Variants in AK8 observed in about 807,000 individuals in gnomAD.
AK8 encodes adenylate kinase 8, also known as ATP-AMP transphosphorylase 8.
AK8 carries 44 observed loss-of-function variants against 54.6 expected under a neutral mutation model. The ratio of observed to expected loss-of-function variants is 0.81; its 90% CI spans 0.63 to 1.04. The LOEUF (loss-of-function observed/expected upper bound fraction) is 1.04. Among genes scored for constraint, AK8 ranks in the 50% least tolerant of loss-of-function variants. The probability of loss-of-function intolerance (pLI) is 0.00; values close to 1 mark genes in which losing one functional copy is unlikely to be tolerated. For missense variants in AK8, 555 were observed against 613.6 expected (o/e 0.90, Z 1.01); for synonymous variants, 239 against 245.6 (o/e 0.97, Z 0.25).
chr9:132,874,213 GA>G (rs1843987532), intron 2 of AK8: 3 of 152,218 alleles, frequency 2.0e-5, no homozygotes, highest in Non-Finnish European at 4.4e-5. Flanking sequence ...ATGGCATCGG[GA>G]CCCAAGATTC....
intron 5 of AK8, among the ~76,000 whole-genome samples, chr9:132,846,943 G>A (rs1221006468): frequency 6.6e-6 from 1 of 152,254 alleles, no homozygotes; most frequent in Non-Finnish European, 1.5e-5. Flanking sequence ...AGTGCCTGAT[G>A]CCAGGCTCAG....
chr9:132,755,956 G>A (rs748229085), intron 11 of AK8, among the ~76,000 whole-genome samples: 4 of 151,904 alleles, frequency 2.6e-5, no homozygotes, highest in African/African-American at 7.3e-5. Context: ...TAGTAGAGAC[G>A]GGGTTTCACC....
chr9:132,800,179 C>T (rs936214210), intron 10 of AK8, among the ~76,000 whole-genome samples: 1 of 152,168 alleles, frequency 6.6e-6, no homozygotes, highest in Non-Finnish European at 1.5e-5. Context: ...CTCGGGATGG[C>T]ACTGATTCCC....
chr9:132,814,816 G>A (rs1297580143), intron 9 of AK8, 89 bp from the exon 10 acceptor site: 5 of 1,115,592 alleles, frequency 4.5e-6, no homozygotes, highest in Admixed American at 2.7e-5. Context: ...TGCCTGCTGA[G>A]GGAAAAAAAA....
Position 132,725,799 on chromosome 9 carries a change from C to T in AK8, c.1329G>A (p.Leu443=). 2 of 1,605,514 alleles carry T rather than the reference C, an allele frequency of 1.2e-6. No homozygotes were observed. The highest frequency in any genetic ancestry group is 2.2e-5 in the South Asian group (2 of 88,948). ...TGATGGCCGACCCATACAACTGCTC[C>T]AAGTCAGCTGAGTTCCTGTAGAACA... ...MDLFYRNSAD[L]EQLYGSAITL... is the part of the protein sequence containing the mutation. The change falls in exon 13 of 13, where the codon TTG becomes TTA. Residue 443 remains leucine (L), a synonymous_variant. Coordinates refer to ENST00000298545, the MANE Select transcript of AK8 (RefSeq NM_152572.3).
chr9:132,829,776 G>A (rs1842032872), intron 5 of AK8, among the ~76,000 whole-genome samples: 1 of 151,888 alleles, frequency 6.6e-6, no homozygotes, highest in African/African-American at 2.4e-5. Context: ...GGCTGGTCTT[G>A]AACTCCTGGG....
chr9:132,854,863 G>A lies in AK8; in HGVS notation c.396C>T (p.Ile132=), dbSNP rs1193678459. 1 of 1,614,016 alleles carries A rather than the reference G, an allele frequency of 6.2e-7. No individual in the cohort carries two copies. The highest frequency in any genetic ancestry group is 1.7e-5 in the Admixed American group (1 of 60,004). ...TAGCTCACTGGAGTCTTACCTGCTTGATGCAATCCTCTTCAGCCAGGCGTT... is the reference window on the plus strand; with the variant it reads ...TAGCTCACTGGAGTCTTACCTGCTTAATGCAATCCTCTTCAGCCAGGCGTT... ...IQERLAEEDC[I]KQGWILDGIP... Residue 132 remains isoleucine, a synonymous_variant, in exon 5 of 13, where the codon ATC becomes ATT. Transcript: ENST00000298545.
intron 10 of AK8, among the ~76,000 whole-genome samples, chr9:132,811,586 C>G (rs1479156729): frequency 6.6e-6 from 1 of 152,256 alleles, no homozygotes; most frequent in Non-Finnish European, 1.5e-5. Context: ...CAAGATAAAT[C>G]TGTGTTGTTC....
upstream of AK8, chr9:132,878,474 T>C (rs1374908621): frequency 3.3e-6 from 4 of 1,216,250 alleles, no homozygotes; most frequent in Non-Finnish European, 4.1e-6. This position sits in a 1 kb window ranked among gnomAD's most constrained non-coding sequence, Gnocchi z 4.7. Flanking sequence ...GCTTTTCCCA[T>C]TTGCGCATCT....
At chr9:132,839,829 G>GGGA (rs1554801290) in intron 5 of AK8, among the ~76,000 whole-genome samples, 8 of 147,274 alleles carry the variant, frequency 5.4e-5, no homozygotes, top group African/African-American at 2.0e-4. Flanking sequence ...CCGGGGGGGG[G>GGGA]GGCGCAGGGA....
intron 1 of AK8, among the ~76,000 whole-genome samples, chr9:132,876,868 G>A (rs779100104): frequency 5.3e-5 from 8 of 151,816 alleles, no homozygotes; most frequent in South Asian, 2.1e-4. Context: ...AGACCAGTCC[G>A]GGCAACATAG....
chr9:132,811,836 T>C (rs888527072), intron 10 of AK8, among the ~76,000 whole-genome samples: 1 of 152,202 alleles, frequency 6.6e-6, no homozygotes, highest in African/African-American at 2.4e-5. Context: ...ATTGAAGGAC[T>C]GCAAATCTGG....
chr9:132,806,855 A>AGGTCTCATTACCAGAAAGGGTGC (rs1187089557), intron 10 of AK8, among the ~76,000 whole-genome samples: 1 of 152,186 alleles, frequency 6.6e-6, no homozygotes, highest in African/African-American at 2.4e-5. Flanking sequence ...TGCTAGGGTG[A>AGGTCTCATTACCAGAAAGGGTGC]GGTCTCATTA....
chr9:132,822,283 A>G (rs1009747620), intron 9 of AK8, among the ~76,000 whole-genome samples: 27 of 136,720 alleles, frequency 2.0e-4, no homozygotes, highest in Admixed American at 1.1e-3. Context: ...ATATACATAT[A>G]TGTGTATGTA....
intron 11 of AK8, among the ~76,000 whole-genome samples, chr9:132,782,421 G>A (rs548630527): frequency 2.9e-4 from 44 of 152,170 alleles, no homozygotes; most frequent in Non-Finnish European, 5.0e-4. Context: ...TGGGAGCAGT[G>A]GCTCACGCCT....
At chr9:132,848,115 C>CAAAAAAAAAAAAAAA (rs796764891) in intron 5 of AK8, among the ~76,000 whole-genome samples, 14 of 52,540 alleles carry the variant, frequency 2.7e-4, no homozygotes, top group Admixed American at 1.7e-3. Flanking sequence ...CACCCTGTTT[C>CAAAAAAAAAAAAAAA]AAAAAAAAAA....
chr9:132,859,897 A>G (rs966533935), intron 4 of AK8, among the ~76,000 whole-genome samples: 2 of 152,040 alleles, frequency 1.3e-5, no homozygotes, highest in African/African-American at 4.8e-5. Context: ...TAGGGCCACT[A>G]CTGTGGGAAG....
rs1283682770 is a variant in AK8, at chr9:132,726,159, G to A, written c.1203-234C>T. ...GGAGAGGGAGAGAGATCAGTGATAG[G>A]AGGACAGAATACAATCATATATGGG... is the stretch of plus-strand genomic sequence containing the variant. On this transcript the variant is annotated intron_variant, in intron 12 of 12. Coordinates refer to ENST00000298545, the MANE Select transcript of AK8 (RefSeq NM_152572.3). Among the ~76,000 whole-genome samples, 3 of 152,182 alleles carry A rather than the reference G, an allele frequency of 2.0e-5. No homozygotes were observed. In the East Asian group the frequency reaches 5.8e-4, roughly 29 times the overall value.
At chr9:132,739,498 C>T (rs1274005836) in intron 11 of AK8, among the ~76,000 whole-genome samples, 6 of 107,474 alleles carry the variant, frequency 5.6e-5, no homozygotes, top group Admixed American at 4.6e-4. Flanking sequence ...TCCTGCTTAT[C>T]TTTCTCTTTT....
Sources: gnomAD v4.1 joint callset for allele counts (sites outside exome capture counted in the v4.1 genomes callset) on GRCh38, gnomAD v4.1.1 for gene constraint, Gnocchi (gnomAD v3.1) non-coding constraint, MANE v1.5 for transcripts, NCBI Gene and HGNC (gene_info 2026-07-23, HGNC 2026-07-21) for gene names.